Variants in FAT3 observed in about 807,000 individuals in gnomAD.
FAT3 encodes FAT atypical cadherin 3.
In FAT3, 95 loss-of-function variants were observed where a neutral mutation model predicts 310.2. The ratio of observed to expected loss-of-function variants is 0.31; its 90% confidence interval spans 0.26 to 0.36. The LOEUF is 0.36. Among genes scored for constraint, FAT3 ranks in the 10% least tolerant of loss-of-function variants. The pLI is 1.00. For missense variants in FAT3, 5,408 were observed against 5,715.6 expected (o/e 0.95, Z 1.74); for synonymous variants, 2,314 against 2,192.9 (o/e 1.06, Z -1.54).
At position 92,798,581 on chromosome 11, in the gene FAT3, T is replaced by A. The variant is rs1444795278; in HGVS notation, c.5568T>A (p.Ser1856Arg). The stretch of plus-strand genomic sequence containing the variant: ...ATTTTCATGTGCATGTGAGAGACAG[T>A]GGTAGCCCCCAACTGACTGCAGAGA... Reference protein sequence around the residue: ...HFHFHVHVRDSGSPQLTAESP... With the variant: ...HFHFHVHVRDRGSPQLTAESP... Residue 1856 changes from serine (S) to arginine (R), a missense_variant, in exon 10 of 28, where the codon AGT becomes AGA. Around this residue, in one of 5 missense-constraint regions of FAT3, gnomAD observed 4,588 missense variants for 4,809.8 expected, o/e 0.95. Transcript: ENST00000525166. 6.2e-7 allele frequency: 1 copy of A among 1,613,830 alleles called. No homozygotes were observed. The highest frequency in any genetic ancestry group is 1.1e-5 in the South Asian group (1 of 91,040).
intron 2 of FAT3, among the ~76,000 whole-genome samples, chr11:92,452,675 C>T (rs759207096): frequency 1.3e-5 from 2 of 152,178 alleles, no homozygotes; most frequent in Admixed American, 6.5e-5. Context: ...ACTCACTCTT[C>T]GATAGAAAAG....
At chr11:92,413,646 G>C (rs1950345391) in intron 2 of FAT3, among the ~76,000 whole-genome samples, 1 of 152,154 alleles carries the variant, frequency 6.6e-6, no homozygotes, top group South Asian at 2.1e-4. Flanking sequence ...ATACTCAACT[G>C]AATGTCTAGA....
At chr11:92,395,702 C>T (rs968616864) in intron 2 of FAT3, among the ~76,000 whole-genome samples, 3 of 152,026 alleles carry the variant, frequency 2.0e-5, no homozygotes, top group Non-Finnish European at 4.4e-5. Context: ...CCTCACCCTC[C>T]TGAGTAGCTG....
chr11:92,660,949 A>G (rs1942760274), intron 3 of FAT3, among the ~76,000 whole-genome samples: 1 of 152,248 alleles, frequency 6.6e-6, no homozygotes, highest in South Asian at 2.1e-4. Context: ...AATGGCAATA[A>G]GAGTTGTATC....
At position 92,395,895 on chromosome 11, in the gene FAT3, G is replaced by T. The variant is rs1025115455; in HGVS notation, c.3292+40491G>T. 5.9e-5 allele frequency among the ~76,000 whole-genome samples: 9 copies of T among 152,144 alleles called. No individual in the cohort carries two copies. The South Asian group carries it at 1.0e-3, about 18-fold the overall frequency. On this transcript the variant is annotated intron_variant, in intron 2 of 27. Coordinates refer to ENST00000525166, the MANE Select transcript of FAT3 (RefSeq NM_001367949.2). The stretch of plus-strand genomic sequence containing the variant: ...CGCCCGGCCCAGTGTCACCATTTTT[G>T]ATGTCTTCCTTGGGCATCCTTGGCT...
intron 3 of FAT3, among the ~76,000 whole-genome samples, chr11:92,577,498 A>C (rs1938548514): frequency 6.6e-6 from 1 of 152,116 alleles, no homozygotes; most frequent in Admixed American, 6.6e-5. Context: ...CCATGTATAC[A>C]TTGTGGAATG....
intron 2 of FAT3, among the ~76,000 whole-genome samples, chr11:92,490,800 T>A (rs1355359888): frequency 6.6e-6 from 1 of 152,132 alleles, no homozygotes; most frequent in Admixed American, 6.6e-5. Context: ...CTGTTCCCAG[T>A]CTTCTGGAGG....
intron 2 of FAT3, among the ~76,000 whole-genome samples, chr11:92,368,752 C>G (rs1949089603): frequency 6.6e-6 from 1 of 151,720 alleles, no homozygotes; most frequent in Non-Finnish European, 1.5e-5. Flanking sequence ...TGCTGGGTGT[C>G]TCAGTGCAAT....
At chr11:92,614,031 T>G (rs1404007360) in intron 3 of FAT3, among the ~76,000 whole-genome samples, 1 of 152,168 alleles carries the variant, frequency 6.6e-6, no homozygotes, top group Non-Finnish European at 1.5e-5. Flanking sequence ...TTCTTTTACT[T>G]AGCATGTTTT....
intron 1 of FAT3, among the ~76,000 whole-genome samples, chr11:92,315,455 A>G (rs925777211): frequency 1.7e-4 from 18 of 107,838 alleles, no homozygotes; most frequent in South Asian, 3.1e-4. Context: ...GTGTATATAT[A>G]TGTGTGTGTG....
chr11:92,344,472 T>A (rs1351857944), intron 1 of FAT3, among the ~76,000 whole-genome samples: 2 of 152,220 alleles, frequency 1.3e-5, no homozygotes, highest in Non-Finnish European at 2.9e-5. Context: ...CTTACTGTAC[T>A]TAATAATGGC....
intron 2 of FAT3, among the ~76,000 whole-genome samples, chr11:92,402,200 A>T (rs150073493): frequency 6.2e-4 from 95 of 152,344 alleles, no homozygotes; most frequent in African/African-American, 2.1e-3. Context: ...ATGGAAATAA[A>T]GAATGTTTTC....
intron 3 of FAT3, among the ~76,000 whole-genome samples, chr11:92,691,013 T>C (rs916940553): frequency 1.3e-5 from 2 of 152,240 alleles, no homozygotes; most frequent in African/African-American, 4.8e-5. Flanking sequence ...ATAAAAACTA[T>C]AACACAGCAT....
At chr11:92,777,123 A>G (rs547173519) in intron 7 of FAT3, among the ~76,000 whole-genome samples, 2 of 152,364 alleles carry the variant, frequency 1.3e-5, no homozygotes, top group East Asian at 3.9e-4. Flanking sequence ...ACCATCAAAC[A>G]GATAACCTTC....
At chr11:92,468,718 GC>G (rs1277333205) in intron 2 of FAT3, among the ~76,000 whole-genome samples, 1 of 152,128 alleles carries the variant, frequency 6.6e-6, no homozygotes, top group Non-Finnish European at 1.5e-5. Context: ...TCTGGCAGCA[GC>G]AAGGAGAAGT....
rs188031114 is a variant in FAT3, at chr11:92,490,283, A to G, written c.3293-34351A>G. 2.2e-4 allele frequency among the ~76,000 whole-genome samples: 34 copies of G among 152,256 alleles called. 1 individual carries two copies. The East Asian group carries it at 3.3e-3, about 15-fold the overall frequency. On this transcript the variant is annotated intron_variant, in intron 2 of 27. Coordinates refer to ENST00000525166, the MANE Select transcript of FAT3 (RefSeq NM_001367949.2). Reference sequence around the variant, plus strand: ...GCTTTGCATATAGGAATGTAATTCAAATTTCAGAAAGGCTGGGGCTGAATG... The same window carrying G: ...GCTTTGCATATAGGAATGTAATTCAGATTTCAGAAAGGCTGGGGCTGAATG...
intron 3 of FAT3, among the ~76,000 whole-genome samples, chr11:92,677,479 G>T (rs1216020667): frequency 6.6e-6 from 1 of 152,228 alleles, no homozygotes; most frequent in Non-Finnish European, 1.5e-5. Context: ...GATGGCAGCA[G>T]TTACATCCAT....
At chr11:92,374,627 C>T (rs144183869) in intron 2 of FAT3, among the ~76,000 whole-genome samples, 3 of 152,292 alleles carry the variant, frequency 2.0e-5, no homozygotes, top group East Asian at 3.9e-4. Flanking sequence ...ATTATAAATG[C>T]AGATTTGTTA....
intron 7 of FAT3, among the ~76,000 whole-genome samples, chr11:92,778,121 A>G (rs2136125574): frequency 6.6e-6 from 1 of 152,168 alleles, no homozygotes; most frequent in African/African-American, 2.4e-5. Flanking sequence ...GGTGCACATG[A>G]GGTAGAATTT....
Sources: allele counts gnomAD v4.1 joint callset (sites outside exome capture counted in the v4.1 genomes callset), GRCh38; gene constraint gnomAD v4.1.1; regional missense constraint gnomAD v4.1.1; transcripts MANE v1.5; gene names NCBI Gene and HGNC (gene_info 2026-07-23, HGNC 2026-07-21).